CCDC30: variants seen among roughly 807,000 people sequenced by gnomAD.
The protein encoded by CCDC30 is coiled-coil domain-containing protein 30.
In CCDC30, 70 loss-of-function variants were observed where a neutral mutation model predicts 100.2. That is an observed-to-expected ratio of 0.70 (90% CI 0.58 to 0.85). The LOEUF (loss-of-function observed/expected upper bound fraction) is 0.85, where lower values mean the gene tolerates loss of function less well. CCDC30 is among the 40% of genes least tolerant of loss of function. CCDC30 has a pLI of 0.00. For synonymous variants in CCDC30, 233 were observed against 269.5 expected (o/e 0.86, Z 1.33); for missense variants, 652 against 771.2 (o/e 0.85, Z 1.83).
upstream of CCDC30, among the ~76,000 whole-genome samples, chr1:42,463,056 T>C (rs947114964): frequency 1.3e-5 from 2 of 152,224 alleles, no homozygotes; most frequent in African/African-American, 2.4e-5. Flanking sequence ...ATGTATTCGC[T>C]AAGTCGCAAA....
intron 12 of CCDC30, among the ~76,000 whole-genome samples, chr1:42,638,892 A>C (rs1392941007): frequency 1.3e-5 from 2 of 152,066 alleles, no homozygotes; most frequent in Non-Finnish European, 2.9e-5. Flanking sequence ...ATAAATAAAT[A>C]AATAAAGAGT....
chr1:42,613,993 TAA>T (rs1646676322), intron 11 of CCDC30, among the ~76,000 whole-genome samples: 1 of 152,178 alleles, frequency 6.6e-6, no homozygotes, highest in Non-Finnish European at 1.5e-5. Context: ...CTTCATTATA[TAA>T]GAGTAGCAAT....
chr1:42,510,004 C>T, intron 6 of CCDC30: 1 of 935,218 alleles, frequency 1.1e-6, no homozygotes, highest in Non-Finnish European at 1.3e-6. Flanking sequence ...TTTGGAGGAA[C>T]ATTATAAACC....
chr1:42,576,580 A>T (rs1239450348), intron 7 of CCDC30, among the ~76,000 whole-genome samples: 1 of 152,248 alleles, frequency 6.6e-6, no homozygotes, highest in Non-Finnish European at 1.5e-5. Context: ...CATGTTGGGT[A>T]GCATTAGAAG....
intron 10 of CCDC30, among the ~76,000 whole-genome samples, chr1:42,607,707 G>A (rs771839220): frequency 3.3e-5 from 5 of 152,006 alleles, no homozygotes; most frequent in Admixed American, 2.0e-4. Flanking sequence ...CAGTGAACAC[G>A]GATTTAAAGC....
intron 12 of CCDC30, among the ~76,000 whole-genome samples, chr1:42,638,559 CAAAAAA>C (rs55773821): frequency 1.7e-5 from 2 of 116,388 alleles, no homozygotes; most frequent in African/African-American, 6.3e-5. Context: ...CACCCATGGG[CAAAAAA>C]AAAAAAAAAA....
chr1:42,510,051 C>T (rs920303743), intron 6 of CCDC30: 28 of 985,018 alleles, frequency 2.8e-5, no homozygotes, highest in South Asian at 2.4e-4. Context: ...AGAAAAGTCT[C>T]GGGGTTTGTG....
At chr1:42,529,958 C>T (rs1644781708) in intron 6 of CCDC30, among the ~76,000 whole-genome samples, 2 of 152,152 alleles carry the variant, frequency 1.3e-5, no homozygotes, top group African/African-American at 4.8e-5. Context: ...AGTTGTGAAC[C>T]ATTCTGAGTA....
intron 8 of CCDC30, among the ~76,000 whole-genome samples, chr1:42,578,667 A>C (rs1645894963): frequency 6.6e-6 from 1 of 151,576 alleles, no homozygotes; most frequent in Non-Finnish European, 1.5e-5. Context: ...TAACTAGTAT[A>C]AATGTTTTAA....
At chr1:42,607,793 A>G (rs12024669) in intron 10 of CCDC30, among the ~76,000 whole-genome samples, 38,104 of 152,116 alleles carry the variant, frequency 0.25, 5,235 homozygotes, top group South Asian at 0.46. Context: ...CAGTCATTTC[A>G]TTGTATAAAA....
At chr1:42,637,896 G>A (rs778382815) in intron 12 of CCDC30, among the ~76,000 whole-genome samples, 1 of 152,196 alleles carries the variant, frequency 6.6e-6, no homozygotes, top group African/African-American at 2.4e-5. Flanking sequence ...ATGGTTGTGG[G>A]ATTATTAAAC....
chr1:42,507,719 C>T (rs1283270079), intron 6 of CCDC30, among the ~76,000 whole-genome samples: 1 of 151,196 alleles, frequency 6.6e-6, no homozygotes, highest in East Asian at 2.0e-4. Context: ...CAGAGAAAAT[C>T]ACTTACTTTT....
rs115529043 is a variant in CCDC30 at position 42,528,649 on chromosome 1, T to C, written c.456+29733T>C. ...TGATAACCTGTAGAGGAATTACACA[T>C]TGGGCAGAATTGGGTGGGCCTTAAT... On this transcript the variant is annotated intron_variant, in intron 6 of 16. Transcript: ENST00000668663. Among the ~76,000 whole-genome samples the C allele has an allele frequency of 6.4e-3, 975 of 152,268 alleles. 5 individuals carry two copies. Among genetic ancestry groups the C allele is most frequent in the Middle Eastern group, 0.031 (9 of 294 alleles).
intron 7 of CCDC30, among the ~76,000 whole-genome samples, 174 bp downstream of exon 11, chr1:42,566,649 T>C (rs72957982): frequency 0.013 from 2,009 of 152,288 alleles, 40 homozygotes; most frequent in African/African-American, 0.046. Context: ...ATGTGTGTAT[T>C]ATCAACCTGT....
At chr1:42,614,461 G>A (rs1218363811) in intron 11 of CCDC30, among the ~76,000 whole-genome samples, 1 of 151,836 alleles carries the variant, frequency 6.6e-6, no homozygotes, top group Non-Finnish European at 1.5e-5. Context: ...TTTGACAAAT[G>A]TTTGTGCCCA....
At chr1:42,643,454 T>C (rs1647622341) in intron 13 of CCDC30, among the ~76,000 whole-genome samples, 1 of 152,214 alleles carries the variant, frequency 6.6e-6, no homozygotes, top group Non-Finnish European at 1.5e-5. Flanking sequence ...TCTCTGATCT[T>C]TTACTGTCTG....
upstream of CCDC30, among the ~76,000 whole-genome samples, chr1:42,462,328 G>A (rs1012788626): frequency 1.3e-5 from 2 of 152,122 alleles, no homozygotes; most frequent in African/African-American, 4.8e-5. Context: ...GGAGGATCAA[G>A]GAATGTCTCC....
chr1:42,524,688 G>A (rs553151305), intron 6 of CCDC30, among the ~76,000 whole-genome samples: 1 of 152,324 alleles, frequency 6.6e-6, no homozygotes, highest in Admixed American at 6.5e-5. Context: ...CATGCACACT[G>A]CCTGCCACAG....
At chr1:42,460,339 T>C (rs1012876628), upstream of CCDC30, 15 of 984,794 alleles carry the variant, frequency 1.5e-5, no homozygotes, top group African/African-American at 1.2e-4. Flanking sequence ...AATAAACATA[T>C]CTTGTTTAGG....
Sources: gnomAD v4.1 joint callset for allele counts (sites outside exome capture counted in the v4.1 genomes callset) on GRCh38, gnomAD v4.1.1 for gene constraint, MANE v1.5 for transcripts, NCBI Gene and HGNC (gene_info 2026-07-23, HGNC 2026-07-21) for gene names.